Variants in MYO1G observed in about 807,000 individuals in gnomAD.
MYO1G encodes the protein unconventional myosin-Ig.
MYO1G carries 65 observed loss-of-function variants against 115.3 expected under a neutral mutation model. The observed-to-expected ratio is 0.56, with a 90% CI of 0.46 to 0.69. The LOEUF is 0.69. Ranked by LOEUF, MYO1G falls within the 30% of genes least tolerant of loss-of-function variation. The pLI, the probability that MYO1G is intolerant of heterozygous loss-of-function variation, is 0.00. For missense variants in MYO1G, 1,204 were observed against 1,393.5 expected (o/e 0.86, Z 2.16); for synonymous variants, 510 against 552.6 (o/e 0.92, Z 1.08).
chr7:44,963,229 C>A lies in MYO1G; in HGVS notation c.2746-105G>T, dbSNP rs1014119656. 81 of 1,325,188 alleles carry A rather than the reference C, an allele frequency of 6.1e-5. No individual in the cohort carries two copies. The African/African-American group carries it at 1.1e-3, about 18-fold the overall frequency. The allele number at this position is 1,325,188 out of a possible 1,614,324, so 82.1% of individuals were successfully genotyped here. On this transcript the variant is annotated intron_variant, in intron 20 of 21. Transcript: ENST00000258787. This position sits in a 1 kb window ranked among gnomAD's most constrained non-coding sequence, Gnocchi z 4.1. ...CCTCTGCCGAACCCCCAACCGCACCCGGGGAGCGCCGCCCTCGCCAGGGCC... is the reference window on the plus strand; with the variant it reads ...CCTCTGCCGAACCCCCAACCGCACCAGGGGAGCGCCGCCCTCGCCAGGGCC...
rs1794960598 is a variant in MYO1G, at chr7:44,971,683, A to G, written c.836T>C (p.Ile279Thr). The change falls in exon 7 of 22, where the codon ATA (isoleucine) becomes ACA (threonine). Residue 279 changes from isoleucine (I) to threonine (T), a missense_variant. Transcript: ENST00000258787. ...VESVHRILAAILHLGNIEFVE... is the reference protein window; with the variant it reads ...VESVHRILAATLHLGNIEFVE... The stretch of plus-strand genomic sequence containing the variant: ...CTGAGCCAGGCTCACCAGGTGCAAT[A>G]TGGCAGCCAGGATGCGATGCACAGA... 1 of 1,558,544 alleles carries G rather than the reference A, an allele frequency of 6.4e-7. No homozygotes were observed. Among genetic ancestry groups the G allele is most frequent in the African/African-American group, 1.4e-5 (1 of 73,764 alleles).
At chr7:44,968,012 G>A (rs1035353032) in intron 12 of MYO1G, 54 bp from the exon 13 acceptor site, 4 of 1,496,134 alleles carry the variant, frequency 2.7e-6, no homozygotes, top group Non-Finnish European at 3.7e-6. Context: ...CCAGGCCAGA[G>A]TGCTAATGAC....
chr7:44,969,751 G>T lies in MYO1G; in HGVS notation c.1457C>A (p.Thr486Asn). The T allele has an allele frequency of 6.2e-7, 1 of 1,609,486 alleles. No individual in the cohort carries two copies. Among genetic ancestry groups the T allele is most frequent in the Non-Finnish European group, 8.5e-7 (1 of 1,178,616 alleles). The change falls in exon 11 of 22, where the codon ACC becomes AAC. Residue 486 changes from threonine to asparagine, a missense_variant. Physicochemically the swap from Thr to Asn is moderately conservative, Grantham distance 65. Transcript: ENST00000258787. The surrounding 1 kb of genome is among the most constrained non-coding windows in gnomAD (Gnocchi z 5.0). ...GTGATGGCGGTGGTGCATGTCCAGG[G>T]TCTGCAGGAAGATTCGGTCAGTGAT... is the stretch of plus-strand genomic sequence containing the variant. The part of the protein sequence containing the change: ...GTITDRIFLQ[T>N]LDMHHRHHLH...
At chr7:44,975,785 T>A (rs1795038277) in intron 3 of MYO1G, 136 bp from the exon 4 acceptor site, 1 of 1,000,570 alleles carries the variant, frequency 1.0e-6, no homozygotes, top group Non-Finnish European at 1.4e-6. Context: ...AGGGAACCAA[T>A]GGCCTGGCCT....
intron 17 of MYO1G, 68 bp from the exon 18 acceptor site, chr7:44,965,157 A>G: frequency 6.5e-7 from 1 of 1,547,644 alleles, no homozygotes; most frequent in Non-Finnish European, 8.8e-7. Context: ...CCCCCTCTCC[A>G]CAGAGGAAGC....
Position 44,972,184 on chromosome 7 carries a change from G to A in MYO1G, c.660C>T (p.His220=), listed in dbSNP as rs371408293. 2 of 1,613,980 alleles carry A rather than the reference G, an allele frequency of 1.2e-6. No homozygotes were observed. Among genetic ancestry groups the A allele is most frequent in the African/African-American group, 1.3e-5 (1 of 74,926 alleles). Reference sequence around the variant, plus strand: ...TGTATACAGCAGGGTTTCTCTCCAAGTGCAGTTCATGCAGCTGCTTGTCCT... The same window carrying A: ...TGTATACAGCAGGGTTTCTCTCCAAATGCAGTTCATGCAGCTGCTTGTCCT... The part of the protein sequence containing the change: ...GSEDKQLHEL[H]LERNPAVYNF... The change falls in exon 6 of 22, where the codon CAC becomes CAT. Residue 220 remains histidine, a synonymous_variant. Transcript: ENST00000258787.
Position 44,975,236 on chromosome 7 carries a change from A to G in MYO1G, c.565-9T>C. Reference sequence around the variant, plus strand: ...TGCTTGAGGACCCGAGACTGAGGAGAGAGGGGCAGATGGACTCAGGCCTGG... The same window carrying G: ...TGCTTGAGGACCCGAGACTGAGGAGGGAGGGGCAGATGGACTCAGGCCTGG... On this transcript the variant is annotated splice_polypyrimidine_tract_variant and intron_variant, in intron 4 of 21. Transcript: ENST00000258787. The G allele has an allele frequency of 1.9e-6, 3 of 1,613,732 alleles. No homozygotes were observed. The highest frequency in any genetic ancestry group is 2.5e-6 in the Non-Finnish European group (3 of 1,179,880).
rs201905410 is a variant in MYO1G, at chr7:44,969,992, C to T, written c.1332+48G>A. 1.3e-6 allele frequency: 2 copies of T among 1,598,310 alleles called. No individual in the cohort carries two copies. Among genetic ancestry groups the T allele is most frequent in the Non-Finnish European group, 8.6e-7 (1 of 1,168,198 alleles). ...CCGGGCCCCTCCCCATGGGCTGAGG[C>T]CCCTCCACACCCCACTGCCTGGCCT... On this transcript the variant is annotated intron_variant, in intron 10 of 21. Transcript: ENST00000258787. The surrounding 1 kb of genome is among the most constrained non-coding windows in gnomAD (Gnocchi z 5.0).
At position 44,966,265 on chromosome 7, in the gene MYO1G, A is replaced by G; in HGVS notation, c.1965T>C (p.Cys655=). 1 of 1,608,460 alleles carries G rather than the reference A, an allele frequency of 6.2e-7. No homozygotes were observed. The highest frequency in any genetic ancestry group is 8.5e-7 in the Non-Finnish European group (1 of 1,178,002). Reference sequence around the variant, plus strand: ...GCAGGTGGTTGGGCCATGTGTATTCACAGGTCATCTTGTACCTGTCACCAC... The same window carrying G: ...GCAGGTGGTTGGGCCATGTGTATTCGCAGGTCATCTTGTACCTGTCACCAC... The part of the protein sequence containing the change: ...SRFLLRYKMT[C]EYTWPNHLLG... The change falls in exon 16 of 22, where the codon TGT becomes TGC. Residue 655 remains cysteine (C), a synonymous_variant. Coordinates refer to ENST00000258787, the MANE Select transcript of MYO1G (RefSeq NM_033054.3). This position sits in a 1 kb window ranked among gnomAD's most constrained non-coding sequence, Gnocchi z 5.0.
rs1398660579 is a variant in MYO1G at position 44,969,640 on chromosome 7, A to G, written c.1503+65T>C. On this transcript the variant is annotated intron_variant, in intron 11 of 21. Transcript: ENST00000258787. The surrounding 1 kb of genome is among the most constrained non-coding windows in gnomAD (Gnocchi z 5.0). ...CAACCAGGCCCCACGAGGCATGGGC[A>G]GCATGGTGCCTGTGGGGCAGGTCCC... 1.9e-6 allele frequency: 3 copies of G among 1,592,460 alleles called. No homozygotes were observed. In the African/African-American group the frequency reaches 4.0e-5, roughly 21 times the overall value.
Position 44,964,304 on chromosome 7 carries a change from G to T in MYO1G, c.2631+111C>A. The T allele has an allele frequency of 1.5e-6, 2 of 1,316,472 alleles. No homozygotes were observed. The highest frequency in any genetic ancestry group is 2.2e-6 in the Non-Finnish European group (2 of 918,450). The allele number at this position is 1,316,472 out of a possible 1,614,324, so 81.5% of individuals were successfully genotyped here. On this transcript the variant is annotated intron_variant, in intron 19 of 21. Transcript: ENST00000258787. This position sits in a 1 kb window ranked among gnomAD's most constrained non-coding sequence, Gnocchi z 5.1. ...GAGCAGCTGGGCCTGGGCTGGGGTT[G>T]CCTCCATTTTCTCCCAAGTGCCCCC...
At position 44,970,669 on chromosome 7, in the gene MYO1G, C is replaced by T. The variant is rs759219081; in HGVS notation, c.1140G>A (p.Arg380=). ...RINSVMEPRG[R]DPRRDGKDTV... ...TGTCCTTGCCATCACGCCGAGGATC[C>T]CGGCCCCGGGGTTCCATGACACTGT... Residue 380 remains arginine (R), a synonymous_variant, in exon 9 of 22, where the codon CGG becomes CGA. Transcript: ENST00000258787. 8.7e-6 allele frequency: 14 copies of T among 1,613,986 alleles called. No homozygotes were observed. The highest frequency in any genetic ancestry group is 1.2e-5 in the Non-Finnish European group (14 of 1,180,040).
chr7:44,978,797 A>G, intron 1 of MYO1G, 70 bp downstream of exon 1: 1 of 1,440,330 alleles, frequency 6.9e-7, no homozygotes, highest in Non-Finnish European at 9.8e-7. Context: ...TCTTTCCCTC[A>G]GGTCTCTGCG....
At chr7:44,975,357 G>A (rs1460280360) in intron 4 of MYO1G, 127 bp downstream of exon 4, 18 of 1,484,762 alleles carry the variant, frequency 1.2e-5, no homozygotes, top group Non-Finnish European at 9.4e-7. Flanking sequence ...CTGAGGCCCA[G>A]AGAAGGGCCA....
intron 1 of MYO1G, among the ~76,000 whole-genome samples, chr7:44,977,809 C>T (rs1429984782): frequency 6.6e-6 from 1 of 152,148 alleles, no homozygotes; most frequent in Admixed American, 6.5e-5. Context: ...CCTGGATGGC[C>T]CTGTCTCCCG....
Position 44,962,973 on chromosome 7 carries a change from T to C in MYO1G, c.2897A>G (p.Gln966Arg), listed in dbSNP as rs952104150. 6.5e-6 allele frequency: 10 copies of C among 1,532,502 alleles called. No individual in the cohort carries two copies. Among genetic ancestry groups the C allele is most frequent in the Admixed American group, 5.9e-5 (3 of 50,618 alleles). 94.9% of individuals were successfully genotyped at this position (1,532,502 alleles called of 1,614,324 possible). Residue 966 changes from glutamine (Q) to arginine (R), a missense_variant, in exon 21 of 22, where the codon CAG becomes CGG. Physicochemically the swap from Gln to Arg is conservative, Grantham distance 43. Transcript: ENST00000258787. This position sits in a 1 kb window ranked among gnomAD's most constrained non-coding sequence, Gnocchi z 5.3. ...CTACCGCCCAGCCTGCACTCACCCC[T>C]GGCAGTGTGCGGCCAGCACGCCCAC... is the stretch of plus-strand genomic sequence containing the variant. ...ELVGVLAAHC[Q>R]GEGRTLEVRV...
At chr7:44,974,802 C>T in intron 5 of MYO1G, 1 of 305,454 alleles carries the variant, frequency 3.3e-6, no homozygotes, top group Non-Finnish European at 6.5e-6. Flanking sequence ...CCCGTGTCCC[C>T]AGGAGCACCA....
In MYO1G at chr7:44,977,123, A is replaced by G. The variant is rs1433309472; in HGVS notation, c.96-52T>C. 1.9e-6 allele frequency: 3 copies of G among 1,570,546 alleles called. No individual in the cohort carries two copies. The South Asian group carries it at 3.4e-5, about 18-fold the overall frequency. ...CACTCACAGGCTTACAGGCACCCAC[A>G]GGCCTTTCGCCAGAGCCCATATCAG... On this transcript the variant is annotated intron_variant, in intron 1 of 21. Transcript: ENST00000258787.
Position 44,966,237 on chromosome 7 carries a change from C to T in MYO1G, c.1993G>A (p.Gly665Ser). The T allele has an allele frequency of 1.2e-6, 2 of 1,611,794 alleles. No individual in the cohort carries two copies. Among genetic ancestry groups the T allele is most frequent in the African/African-American group, 2.7e-5 (2 of 75,004 alleles). Residue 665 changes from glycine (G) to serine (S), a missense_variant, in exon 16 of 22, where the codon GGC becomes AGC. Coordinates refer to ENST00000258787, the MANE Select transcript of MYO1G (RefSeq NM_033054.3). This position sits in a 1 kb window ranked among gnomAD's most constrained non-coding sequence, Gnocchi z 5.0. ...GCGCTCACGGCTGCCTTGTCGGAGC[C>T]CAGCAGGTGGTTGGGCCATGTGTAT... The part of the protein sequence containing the change: ...CEYTWPNHLL[G>S]SDKAAVSALL...
Sources: gnomAD v4.1 joint callset for allele counts (sites outside exome capture counted in the v4.1 genomes callset) on GRCh38, gnomAD v4.1.1 for gene constraint, Gnocchi (gnomAD v3.1) non-coding constraint, MANE v1.5 for transcripts, NCBI Gene and HGNC (gene_info 2026-07-23, HGNC 2026-07-21) for gene names.